The following PPP4R1 variants were observed in gnomAD, a reference collection of about 807,000 sequenced individuals.
PPP4R1 encodes protein phosphatase 4 regulatory subunit 1.
PPP4R1 carries 42 observed loss-of-function variants against 111.2 expected under a neutral mutation model. The ratio of observed to expected loss-of-function variants is 0.38; its 90% CI spans 0.29 to 0.49. The LOEUF is 0.49. PPP4R1 is among the 20% of genes least tolerant of loss of function. The pLI is 0.97. For synonymous variants in PPP4R1, 409 were observed against 405.5 expected (o/e 1.01, Z -0.10); for missense variants, 1,012 against 1,161.6 (o/e 0.87, Z 1.87).
rs570083045 is a variant in PPP4R1 at position 9,564,485 on chromosome 18, G to T, written c.1574-935C>A. On this transcript the variant is annotated intron_variant, in intron 11 of 19. Transcript: ENST00000400556. ...GTTCTAGTCTATTAGGTCATTACTT[G>T]CTAACTTAAGAAAATTGAACATATT... is the stretch of plus-strand genomic sequence containing the variant. 1.1e-4 allele frequency among the ~76,000 whole-genome samples: 17 copies of T among 152,272 alleles called. No individual in the cohort carries two copies. The East Asian group carries it at 3.3e-3, about 29-fold the overall frequency.
intron 11 of PPP4R1, among the ~76,000 whole-genome samples, chr18:9,564,741 G>GT (rs2066738159): frequency 3.6e-5 from 1 of 27,618 alleles, no homozygotes; most frequent in Non-Finnish European, 9.0e-5. Context: ...TGTGTGTGGG[G>GT]GTATCATCCC....
chr18:9,564,735 T>TGGGG (rs1404643969), intron 11 of PPP4R1, among the ~76,000 whole-genome samples: 58 of 40,214 alleles, frequency 1.4e-3, no homozygotes, highest in African/African-American at 4.4e-3. Context: ...TGTGTGTGTG[T>TGGGG]GTGGGGGTAT....
chr18:9,605,530 G>A (rs1207252934), intron 2 of PPP4R1, among the ~76,000 whole-genome samples: 4 of 115,232 alleles, frequency 3.5e-5, no homozygotes, highest in Non-Finnish European at 6.6e-5. Context: ...CTGAAGCACT[G>A]AGAAAACTAC....
intron 2 of PPP4R1, among the ~76,000 whole-genome samples, chr18:9,601,031 T>C (rs978010619): frequency 3.9e-5 from 6 of 152,218 alleles, no homozygotes; most frequent in African/African-American, 1.2e-4. Flanking sequence ...TACAGATTCT[T>C]GAACACTGTA....
intron 14 of PPP4R1, among the ~76,000 whole-genome samples, chr18:9,558,277 G>C (rs939540043): frequency 6.6e-6 from 1 of 152,152 alleles, no homozygotes; most frequent in East Asian, 1.9e-4. Flanking sequence ...ATGGAAGAGG[G>C]GGGCAGCAGA....
intron 11 of PPP4R1, 29 bp from the exon 12 acceptor site, chr18:9,563,579 G>A: frequency 6.6e-7 from 1 of 1,517,170 alleles, no homozygotes; most frequent in Non-Finnish European, 9.0e-7. Context: ...AATGGACAAA[G>A]TGAGAAACAC....
Position 9,583,201 on chromosome 18 carries a change from C to A in PPP4R1, c.834G>T (p.Ala278=). The change falls in exon 9 of 20, where the codon GCG becomes GCT. Residue 278 remains alanine (A), a synonymous_variant. Transcript: ENST00000400556. Reference sequence around the variant, plus strand: ...TTTCTTGACATGTTGCACATGAAACCGCCATGAAGCATTCAGCACAAGCCT... The same window carrying A: ...TTTCTTGACATGTTGCACATGAAACAGCCATGAAGCATTCAGCACAAGCCT... The part of the protein sequence containing the change: ...VRKACAECFM[A]VSCATCQEIR... 1.2e-6 allele frequency: 2 copies of A among 1,611,116 alleles called. No individual in the cohort carries two copies. The highest frequency in any genetic ancestry group is 2.2e-5 in the South Asian group (2 of 90,826).
At chr18:9,590,838 G>C (rs117831233) in intron 4 of PPP4R1, among the ~76,000 whole-genome samples, 1,786 of 152,030 alleles carry the variant, frequency 0.012, 12 homozygotes, top group Non-Finnish European at 0.019. Flanking sequence ...TTTGAGATTG[G>C]AAAAAATCTC....
chr18:9,579,011 T>A (rs1157009176), intron 9 of PPP4R1, among the ~76,000 whole-genome samples: 1 of 152,178 alleles, frequency 6.6e-6, no homozygotes, highest in Non-Finnish European at 1.5e-5. Context: ...AGGAGAGAGA[T>A]CACAGTGTCT....
At chr18:9,584,630 T>C (rs1403457088) in intron 7 of PPP4R1, 50 bp from the exon 8 acceptor site, 15 of 1,604,648 alleles carry the variant, frequency 9.3e-6, no homozygotes, top group South Asian at 5.5e-5. Flanking sequence ...CATAAGGTTC[T>C]TCTAAGATAA....
chr18:9,600,378 T>C (rs2067361701), intron 2 of PPP4R1, among the ~76,000 whole-genome samples: 1 of 151,668 alleles, frequency 6.6e-6, no homozygotes, highest in East Asian at 1.9e-4. Context: ...AGAAAATAAA[T>C]AGCAGAATCA....
Position 9,557,207 on chromosome 18 carries a change from A to C in PPP4R1, c.2190+14T>G. ...ATTTTGTTGTGTTTTTATGCAAAAA[A>C]ATTTAAAAGTTACCTTCAGAAAATC... On this transcript the variant is annotated intron_variant, in intron 15 of 19. Transcript: ENST00000400556. 1 of 1,561,442 alleles carries C rather than the reference A, an allele frequency of 6.4e-7. No individual in the cohort carries two copies. The highest frequency in any genetic ancestry group is 1.2e-5 in the South Asian group (1 of 82,772).
chr18:9,587,505 T>C (rs930313236), intron 6 of PPP4R1: 3 of 151,780 alleles, frequency 2.0e-5, no homozygotes, highest in African/African-American at 7.3e-5. Context: ...CAGGTTCAAA[T>C]GATTCTCGTG....
At chr18:9,575,078 A>G (rs1049028584) in intron 10 of PPP4R1, among the ~76,000 whole-genome samples, 4 of 152,250 alleles carry the variant, frequency 2.6e-5, no homozygotes, top group African/African-American at 9.6e-5. Context: ...TAAATGCTTC[A>G]AAGAGTAATA....
intron 11 of PPP4R1, among the ~76,000 whole-genome samples, chr18:9,568,988 T>C (rs1442483358): frequency 6.6e-6 from 1 of 150,928 alleles, no homozygotes; most frequent in Non-Finnish European, 1.5e-5. Flanking sequence ...TGAGCTGAGA[T>C]GGCACTACTA....
intron 8 of PPP4R1, 36 bp from the exon 9 acceptor site, chr18:9,583,311 A>C: frequency 6.9e-7 from 1 of 1,451,062 alleles, no homozygotes; most frequent in Non-Finnish European, 9.3e-7. Context: ...TAGTTGGATA[A>C]AGATAGCAGA....
chr18:9,589,653 C>CT (rs1393282107), intron 4 of PPP4R1: 1 of 152,156 alleles, frequency 6.6e-6, no homozygotes, highest in East Asian at 1.9e-4. Context: ...AATCCCAGCA[C>CT]TTTGAGAGGC....
intron 12 of PPP4R1, 126 bp downstream of exon 12, chr18:9,563,252 A>AAG (rs2066706713): frequency 7.7e-7 from 1 of 1,290,822 alleles, no homozygotes; most frequent in Non-Finnish European, 1.0e-6. Context: ...ATGCAAAACG[A>AAG]AGAGCTAAAA....
chr18:9,599,561 T>C (rs2067346133), intron 2 of PPP4R1: 1 of 152,310 alleles, frequency 6.6e-6, no homozygotes, highest in Middle Eastern at 3.4e-3. Context: ...CAAATTGGAT[T>C]ACAAACAACA....
Sources: gnomAD v4.1 joint callset for allele counts (sites outside exome capture counted in the v4.1 genomes callset) on GRCh38, gnomAD v4.1.1 for gene constraint, MANE v1.5 for transcripts, NCBI Gene and HGNC (gene_info 2026-07-23, HGNC 2026-07-21) for gene names.